The following TAF3 variants were observed in gnomAD, a reference collection of about 807,000 sequenced individuals.
TAF3 encodes the protein TATA-box binding protein associated factor 3.
TAF3 carries 7 observed loss-of-function variants against 80.6 expected under a neutral mutation model. That is an observed-to-expected ratio of 0.09 (90% confidence interval 0.05 to 0.16). The LOEUF (loss-of-function observed/expected upper bound fraction) is 0.16, where lower values mean the gene tolerates loss of function less well. Among genes scored for constraint, TAF3 ranks in the 10% least tolerant of loss-of-function variants. The pLI, the probability that TAF3 is intolerant of heterozygous loss-of-function variation, is 1.00. For synonymous variants in TAF3, 444 were observed against 446.1 expected (o/e 1.00, Z 0.06); for missense variants, 921 against 1,140.2 (o/e 0.81, Z 2.77).
rs1026957887 is a variant in TAF3, at chr10:7,954,465, A to T, written c.410-9455A>T. ...TAGAGTGCACTCCATAGGTGAATGA[A>T]TGAATTAGTCCCAGTTAACACAGAG... On this transcript the variant is annotated intron_variant, in intron 2 of 6. Coordinates refer to ENST00000344293, the MANE Select transcript of TAF3 (RefSeq NM_031923.4). Among the ~76,000 whole-genome samples, 9 of 118,262 alleles carry T rather than the reference A, an allele frequency of 7.6e-5. 1 individual carries two copies. The highest frequency in any genetic ancestry group is 2.4e-4 in the African/African-American group (8 of 33,894). The allele number at this position is 118,262 out of a possible 152,430, so 77.6% of individuals were successfully genotyped here.
At chr10:7,945,330 A>G (rs1838014557) in intron 2 of TAF3, among the ~76,000 whole-genome samples, 1 of 152,184 alleles carries the variant, frequency 6.6e-6, no homozygotes, top group African/African-American at 2.4e-5. Flanking sequence ...AAATCTGACC[A>G]GTCATCTTAT....
At chr10:7,864,122 C>G (rs922350981) in intron 2 of TAF3, among the ~76,000 whole-genome samples, 3 of 152,102 alleles carry the variant, frequency 2.0e-5, no homozygotes, top group African/African-American at 7.2e-5. Flanking sequence ...TAGGTTCACT[C>G]TTGGTGTTGT....
At chr10:7,983,200 C>T (rs747314917) in intron 4 of TAF3, among the ~76,000 whole-genome samples, 2 of 152,164 alleles carry the variant, frequency 1.3e-5, no homozygotes, top group African/African-American at 2.4e-5. Context: ...CCCCGCTTCC[C>T]GGGCCTCCGT....
At chr10:7,850,021 T>G (rs969691923) in intron 2 of TAF3, among the ~76,000 whole-genome samples, 18 of 150,700 alleles carry the variant, frequency 1.2e-4, no homozygotes, top group Non-Finnish European at 5.9e-5. Context: ...GAATATTATT[T>G]GTTAAAAATT....
At chr10:7,976,874 A>G (rs556502480) in intron 3 of TAF3, among the ~76,000 whole-genome samples, 21 of 152,334 alleles carry the variant, frequency 1.4e-4, no homozygotes, top group Admixed American at 1.2e-3. Flanking sequence ...CTTATAGGGA[A>G]GACATCATCG....
At chr10:7,825,012 G>A (rs1836726950) in intron 2 of TAF3, among the ~76,000 whole-genome samples, 1 of 152,180 alleles carries the variant, frequency 6.6e-6, no homozygotes, top group Non-Finnish European at 1.5e-5. Flanking sequence ...GTAGACTTCT[G>A]TTTTTTATCA....
chr10:7,828,440 A>G (rs886988147), intron 2 of TAF3, among the ~76,000 whole-genome samples: 1 of 152,176 alleles, frequency 6.6e-6, no homozygotes. Flanking sequence ...TTTAGAAGTG[A>G]GACCTCTTTG....
At chr10:7,979,701 G>A (rs1301559848) in intron 4 of TAF3, among the ~76,000 whole-genome samples, 1 of 151,904 alleles carries the variant, frequency 6.6e-6, no homozygotes, top group African/African-American at 2.4e-5. Context: ...GATAAATGAA[G>A]TGAAATAGAT....
At chr10:7,948,738 A>T (rs994862981) in intron 2 of TAF3, among the ~76,000 whole-genome samples, 1 of 152,162 alleles carries the variant, frequency 6.6e-6, no homozygotes, top group African/African-American at 2.4e-5. Flanking sequence ...TTAAATACTG[A>T]TCTTTTTCCC....
chr10:8,002,598 T>G (rs1432051986), intron 4 of TAF3, among the ~76,000 whole-genome samples: 1 of 152,244 alleles, frequency 6.6e-6, no homozygotes, highest in Non-Finnish European at 1.5e-5. Context: ...TTTTTTAGCC[T>G]TAAGAAATTG....
chr10:7,921,919 A>C (rs1837766675), intron 2 of TAF3, among the ~76,000 whole-genome samples: 1 of 152,082 alleles, frequency 6.6e-6, no homozygotes, highest in African/African-American at 2.4e-5. Context: ...TATTTCTCTT[A>C]TTTCAGGGAA....
intron 2 of TAF3, among the ~76,000 whole-genome samples, chr10:7,844,792 C>T (rs1283068729): frequency 6.6e-6 from 1 of 152,056 alleles, no homozygotes; most frequent in Non-Finnish European, 1.5e-5. Flanking sequence ...TATTTATGTT[C>T]TGCTTTTTTT....
At chr10:7,856,173 C>T (rs999846611) in intron 2 of TAF3, among the ~76,000 whole-genome samples, 4 of 151,976 alleles carry the variant, frequency 2.6e-5, no homozygotes, top group Non-Finnish European at 5.9e-5. Flanking sequence ...GTAAGGAAAT[C>T]CTAGAAAAAG....
At chr10:7,877,939 G>A (rs754596841) in intron 2 of TAF3, among the ~76,000 whole-genome samples, 10 of 152,130 alleles carry the variant, frequency 6.6e-5, no homozygotes, top group Non-Finnish European at 1.5e-4. Flanking sequence ...AAATACATTG[G>A]AGCTAATGTT....
rs765451090 is a variant in TAF3 at position 7,965,728 on chromosome 10, C to T, written c.2218C>T (p.His740Tyr). ...REKREKEKEKHKHEKIKVEPV... is the reference protein window; with the variant it reads ...REKREKEKEKYKHEKIKVEPV... ...GAAGAGAGAAAAAGAGAAGGAGAAA[C>T]ACAAGCATGAAAAAGTAAGCAGTTT... Residue 740 changes from histidine to tyrosine, a missense_variant, in exon 3 of 7, where the codon CAC becomes TAC. Physicochemically the swap from His to Tyr is moderately conservative, Grantham distance 83 (BLOSUM62 2). Transcript: ENST00000344293. 6.5e-7 allele frequency: 1 copy of T among 1,538,804 alleles called. No homozygotes were observed.
At chr10:7,819,817 C>A (rs190967032) in intron 1 of TAF3, among the ~76,000 whole-genome samples, 62 of 152,192 alleles carry the variant, frequency 4.1e-4, no homozygotes, top group African/African-American at 1.4e-3. Flanking sequence ...TAAAGTGGTT[C>A]CTATACTGGA....
At position 7,844,378 on chromosome 10, in the gene TAF3, C is replaced by CTTTT. The variant is rs370650612; in HGVS notation, c.409+19832_409+19835dup. Among the ~76,000 whole-genome samples, 4 of 134,316 alleles carry CTTTT rather than the reference C, an allele frequency of 3.0e-5. 1 individual carries two copies. The highest frequency in any genetic ancestry group is 6.3e-5 in the Non-Finnish European group (4 of 63,170). The allele number at this position is 134,316 out of a possible 152,430, so 88.1% of individuals were successfully genotyped here. A position where few individuals can be genotyped will look rare whatever the true frequency, so the allele number is the denominator to read the frequency against. The stretch of plus-strand genomic sequence containing the variant: ...AGCAGCTTTTCTTCTTCTTCTTGTT[C>CTTTT]TTTTTTTTTTTTTTTTTGAGACGGA... On this transcript the variant is annotated intron_variant, in intron 2 of 6. Coordinates refer to ENST00000344293, the MANE Select transcript of TAF3 (RefSeq NM_031923.4).
chr10:7,906,454 C>T (rs1352929759), intron 2 of TAF3, among the ~76,000 whole-genome samples: 2 of 152,088 alleles, frequency 1.3e-5, no homozygotes, highest in Admixed American at 6.5e-5. Context: ...GAACAATTTG[C>T]TGATTAAGAT....
At chr10:7,885,296 T>A (rs182010560) in intron 2 of TAF3, among the ~76,000 whole-genome samples, 2 of 151,908 alleles carry the variant, frequency 1.3e-5, no homozygotes. Context: ...ACAAAGTGAC[T>A]AATTCCTTCC....
Sources: gnomAD v4.1 joint callset for allele counts (sites outside exome capture counted in the v4.1 genomes callset) on GRCh38, gnomAD v4.1.1 for gene constraint, MANE v1.5 for transcripts, NCBI Gene and HGNC (gene_info 2026-07-23, HGNC 2026-07-21) for gene names.